Variants in THSD7B observed in about 807,000 individuals in gnomAD.
THSD7B encodes thrombospondin type 1 domain containing 7B.
THSD7B carries 138 observed loss-of-function variants against 213.6 expected under a neutral mutation model. That is an observed-to-expected ratio of 0.65 (90% CI 0.56 to 0.74). The LOEUF (loss-of-function observed/expected upper bound fraction) is 0.74. THSD7B is among the 30% of genes least tolerant of loss of function. THSD7B has a pLI of 0.00. For synonymous variants in THSD7B, 742 were observed against 687.0 expected (o/e 1.08, Z -1.25); for missense variants, 1,931 against 1,991.5 (o/e 0.97, Z 0.58).
At chr2:136,869,635 G>C (rs1474925803) in intron 1 of THSD7B, among the ~76,000 whole-genome samples, 2 of 152,182 alleles carry the variant, frequency 1.3e-5, no homozygotes, top group East Asian at 3.8e-4. Context: ...TTCTCTTTAA[G>C]TGAAGTTTGT....
In THSD7B at chr2:137,271,495, T is replaced by G. The variant is rs189166274; in HGVS notation, c.2267-1038T>G. Among the ~76,000 whole-genome samples the G allele has an allele frequency of 1.7e-3, 235 of 139,698 alleles. 9 individuals carry two copies. In the East Asian group the frequency reaches 0.023, roughly 14 times the overall value. The allele number at this position is 139,698 out of a possible 152,430, so 91.6% of individuals were successfully genotyped here. Reference sequence around the variant, plus strand: ...ATATAATATAAAATCATATATATATTATTCATTCATATATATATGATTTTT... The same window carrying G: ...ATATAATATAAAATCATATATATATGATTCATTCATATATATATGATTTTT... On this transcript the variant is annotated intron_variant, in intron 10 of 27. Coordinates refer to ENST00000409968, the MANE Select transcript of THSD7B (RefSeq NM_001316349.2).
At chr2:137,161,249 T>C (rs1410122510) in intron 6 of THSD7B, among the ~76,000 whole-genome samples, 1 of 152,192 alleles carries the variant, frequency 6.6e-6, no homozygotes, top group Non-Finnish European at 1.5e-5. Context: ...TGCCTTCTCT[T>C]TCATTGACCC....
At chr2:137,057,318 C>T (rs1016404264) in intron 3 of THSD7B, 88 bp downstream of exon 3, 25 of 1,268,076 alleles carry the variant, frequency 2.0e-5, no homozygotes, top group Non-Finnish European at 2.7e-5. Context: ...TTCTACAAAG[C>T]GAAAATGGCA....
intron 16 of THSD7B, among the ~76,000 whole-genome samples, chr2:137,567,883 T>A (rs1681271532): frequency 6.6e-6 from 1 of 152,182 alleles, no homozygotes; most frequent in Admixed American, 6.5e-5. Context: ...CACCATTAGC[T>A]TATAAATTTA....
intron 4 of THSD7B, among the ~76,000 whole-genome samples, chr2:137,113,603 A>C (rs1171906185): frequency 6.6e-6 from 1 of 151,954 alleles, no homozygotes; most frequent in African/African-American, 2.4e-5. Context: ...CATCCGGCTA[A>C]TTTGGGATTT....
chr2:137,014,518 G>A (rs922778728), intron 2 of THSD7B, among the ~76,000 whole-genome samples: 11 of 152,154 alleles, frequency 7.2e-5, no homozygotes, highest in Non-Finnish European at 1.3e-4. Flanking sequence ...AGCCATGTCT[G>A]TTTTCTTAAA....
At chr2:136,922,844 T>C (rs1684457402) in intron 2 of THSD7B, among the ~76,000 whole-genome samples, 1 of 152,214 alleles carries the variant, frequency 6.6e-6, no homozygotes, top group South Asian at 2.1e-4. Flanking sequence ...AGTCCACTGA[T>C]GTCTTTTAAC....
At chr2:136,878,898 G>A (rs183369257) in intron 1 of THSD7B, among the ~76,000 whole-genome samples, 10 of 151,950 alleles carry the variant, frequency 6.6e-5, no homozygotes, top group South Asian at 6.2e-4. Context: ...TTTCTTTTGC[G>A]GTGCAGCAGC....
rs531618392 is a variant in THSD7B at position 137,010,402 on chromosome 2, C to T, written c.140-46018C>T. On this transcript the variant is annotated intron_variant, in intron 2 of 27. Coordinates refer to ENST00000409968, the MANE Select transcript of THSD7B (RefSeq NM_001316349.2). The stretch of plus-strand genomic sequence containing the variant: ...GGAACAATTCTGTTAAGTTCCATGA[C>T]CTGCTATTTTCTTACTAATAAAATA... Among the ~76,000 whole-genome samples, 7 of 152,320 alleles carry T rather than the reference C, an allele frequency of 4.6e-5. 1 individual carries two copies. The South Asian group carries it at 1.4e-3, about 32-fold the overall frequency.
chr2:136,845,578 A>G (rs1385808963), intron 1 of THSD7B, among the ~76,000 whole-genome samples: 1 of 152,194 alleles, frequency 6.6e-6, no homozygotes, highest in East Asian at 1.9e-4. Flanking sequence ...TGAGGCAGGT[A>G]CAAGTCATTG....
At chr2:137,162,823 G>T (rs965731667) in intron 6 of THSD7B, among the ~76,000 whole-genome samples, 3 of 151,638 alleles carry the variant, frequency 2.0e-5, no homozygotes, top group Non-Finnish European at 2.9e-5. Flanking sequence ...GCAATGGCGT[G>T]ATCTTGGCTC....
chr2:136,785,964 C>T (rs1681837707), intron 1 of THSD7B, among the ~76,000 whole-genome samples: 2 of 152,222 alleles, frequency 1.3e-5, no homozygotes, highest in South Asian at 4.1e-4. Flanking sequence ...CGTCTCCCTT[C>T]CCTGCTATAG....
At chr2:137,149,979 C>T (rs540840159) in intron 5 of THSD7B, among the ~76,000 whole-genome samples, 11 of 152,202 alleles carry the variant, frequency 7.2e-5, no homozygotes, top group African/African-American at 1.2e-4. Context: ...CAGTGGCTCA[C>T]GCCTGTAATC....
Position 137,208,378 on chromosome 2 carries a change from A to C in THSD7B, c.1724-22666A>C, listed in dbSNP as rs557002901. On this transcript the variant is annotated intron_variant, in intron 7 of 27. Coordinates refer to ENST00000409968, the MANE Select transcript of THSD7B (RefSeq NM_001316349.2). Reference sequence around the variant, plus strand: ...TAAACTTGTTTGCGGAGGCCTGGGGAATTTCTTCAGACCCACAGTAAAATT... The same window carrying C: ...TAAACTTGTTTGCGGAGGCCTGGGGCATTTCTTCAGACCCACAGTAAAATT... Among the ~76,000 whole-genome samples the C allele has an allele frequency of 4.3e-4, 65 of 152,028 alleles. 2 individuals are homozygous for C. In the South Asian group the frequency reaches 0.013, roughly 30 times the overall value.
chr2:137,651,971 G>T (rs992148751), intron 21 of THSD7B, among the ~76,000 whole-genome samples: 17 of 151,986 alleles, frequency 1.1e-4, no homozygotes, highest in Non-Finnish European at 2.1e-4. Context: ...TGTCGCCGAA[G>T]ATATGGTTTA....
chr2:137,542,728 A>G (rs748326488), intron 15 of THSD7B, among the ~76,000 whole-genome samples: 4 of 151,780 alleles, frequency 2.6e-5, no homozygotes, highest in Non-Finnish European at 5.9e-5. Context: ...CTTGGAAAAA[A>G]ACAAATTTGG....
At chr2:137,595,016 T>C (rs1391495061) in intron 17 of THSD7B, among the ~76,000 whole-genome samples, 1 of 152,018 alleles carries the variant, frequency 6.6e-6, no homozygotes, top group African/African-American at 2.4e-5. Context: ...TGGTTGCAAC[T>C]GTACAGATAT....
chr2:137,213,568 C>A (rs1681170468), intron 7 of THSD7B, among the ~76,000 whole-genome samples: 1 of 150,192 alleles, frequency 6.7e-6, no homozygotes, highest in Non-Finnish European at 1.5e-5. Context: ...TGTGGATAAT[C>A]ATATATAATG....
At chr2:137,447,969 C>T (rs1687573998) in intron 14 of THSD7B, among the ~76,000 whole-genome samples, 1 of 152,136 alleles carries the variant, frequency 6.6e-6, no homozygotes, top group Non-Finnish European at 1.5e-5. Flanking sequence ...CATACAGACA[C>T]ATTCATAGGA....
Sources: allele counts gnomAD v4.1 joint callset (sites outside exome capture counted in the v4.1 genomes callset), GRCh38; gene constraint gnomAD v4.1.1; transcripts MANE v1.5; gene names NCBI Gene and HGNC (gene_info 2026-07-23, HGNC 2026-07-21).